PET100: variants seen among roughly 807,000 people sequenced by gnomAD.
The protein encoded by PET100 is protein PET100 homolog, mitochondrial.
A neutral mutation model predicts 13.6 loss-of-function variants in PET100; 13 were observed. That is an observed-to-expected ratio of 0.96 (90% CI 0.62 to 1.52). The LOEUF (loss-of-function observed/expected upper bound fraction) is 1.52. Among genes scored for constraint, PET100 ranks in the 40% most tolerant of loss-of-function variants. The probability of loss-of-function intolerance (pLI) is 0.00; values close to 1 mark genes in which losing one functional copy is unlikely to be tolerated. For missense variants in PET100, 94 were observed against 95.3 expected, an observed-to-expected ratio of 0.99 and a Z score of 0.06; for synonymous variants, 28 against 30.8, an observed-to-expected ratio of 0.91 and a Z score of 0.30.
In PET100 at chr19:7,631,581, C is replaced by T. The variant is rs1241091926; in HGVS notation, c.*25C>T. 1 of 1,521,444 alleles carries T rather than the reference C, an allele frequency of 6.6e-7. No individual in the cohort carries two copies. Among genetic ancestry groups the T allele is most frequent in the Admixed American group, 2.1e-5 (1 of 47,798 alleles). 94.2% of individuals were successfully genotyped at this position (1,521,444 alleles called of 1,614,324 possible). A position where few individuals can be genotyped will look rare whatever the true frequency, so the allele number is the denominator to read the frequency against. On this transcript the variant is annotated 3_prime_UTR_variant, in exon 4 of 4. Coordinates refer to ENST00000594797, the MANE Select transcript of PET100 (RefSeq NM_001171155.2). The stretch of plus-strand genomic sequence containing the variant: ...AGGCCTCCAAGTGGGAGTCCTAGCC[C>T]CTCCCCTGATGAAATATACATATAC...
At chr19:7,631,395 T>TGGGGGGG in intron 3 of PET100, 78 bp from the exon 4 acceptor site, 2 of 318,036 alleles carry the variant, frequency 6.3e-6, no homozygotes, top group Non-Finnish European at 1.0e-5. Flanking sequence ...GTGGGAGAGG[T>TGGGGGGG]GGGCGGGGGG....
At chr19:7,631,399 CGGGG>C in intron 3 of PET100, 70 bp from the exon 4 acceptor site, 1 of 583,178 alleles carries the variant, frequency 1.7e-6, no homozygotes, top group Non-Finnish European at 2.4e-6. Context: ...GAGAGGTGGG[CGGGG>C]GGGGGTGGTC....
At chr19:7,630,764 C>T in intron 2 of PET100, 59 bp from the exon 3 acceptor site, 4 of 1,536,798 alleles carry the variant, frequency 2.6e-6, no homozygotes, top group East Asian at 4.9e-5. Context: ...CCGACCCTGC[C>T]CTGATGTGGG....
intron 1 of PET100, 183 bp from the exon 2 acceptor site, chr19:7,630,390 G>A (rs1483993257): frequency 1.7e-6 from 1 of 604,182 alleles, no homozygotes; most frequent in African/African-American, 1.9e-5. Flanking sequence ...GAGGCCTCCT[G>A]GATTATAGGA....
At position 7,631,226 on chromosome 19, in the gene PET100, T is replaced by C. The variant is rs868602666; in HGVS notation, c.139-247T>C. 52 of 1,398,214 alleles carry C rather than the reference T, an allele frequency of 3.7e-5. No homozygotes were observed. The African/African-American group carries it at 7.0e-4, about 19-fold the overall frequency. The allele number at this position is 1,398,214 out of a possible 1,614,324, so 86.6% of individuals were successfully genotyped here. ...TTTGTCTCAAAAAGAAACATTTTAC[T>C]CTCAGCCATGAGTAAGGAACCGAGA... On this transcript the variant is annotated intron_variant, in intron 3 of 3. Transcript: ENST00000594797.
intron 2 of PET100, 81 bp downstream of exon 2, chr19:7,630,740 C>T (rs1806832523): frequency 1.3e-6 from 2 of 1,533,344 alleles, no homozygotes; most frequent in Non-Finnish European, 1.7e-6. Flanking sequence ...GGACTAATGT[C>T]TGCCTCCCAT....
chr19:7,629,858 CGGGTCAGT>C lies in PET100; in HGVS notation c.27+1_27+8del. 6.5e-7 allele frequency: 1 copy of C among 1,534,328 alleles called. No individual in the cohort carries two copies. The highest frequency in any genetic ancestry group is 8.7e-7 in the Non-Finnish European group (1 of 1,145,562). On this transcript the variant is annotated splice_donor_variant and splice_donor_5th_base_variant and coding_sequence_variant and intron_variant, in exon 1 of 4. Transcript: ENST00000594797. LOFTEE classifies it high-confidence loss of function. ...GATGGGGGTGAAGCTGGAGATATTT[CGGGTCAGT>C]GGACACAGGAGTGGGTTGGGAGGCT...
chr19:7,631,387 G>A (rs2031286844), intron 3 of PET100, 86 bp from the exon 4 acceptor site: 1 of 1,340,890 alleles, frequency 7.5e-7, no homozygotes, highest in East Asian at 2.6e-5. Flanking sequence ...GCAGGGTGGT[G>A]GGAGAGGTGG....
Position 7,629,821 on chromosome 19 carries a change from C to G in PET100, c.-13C>G, listed in dbSNP as rs1271688330. 2.6e-6 allele frequency: 4 copies of G among 1,536,632 alleles called. No individual in the cohort carries two copies. Among genetic ancestry groups the G allele is most frequent in the South Asian group, 1.2e-5 (1 of 84,002 alleles). On this transcript the variant is annotated 5_prime_UTR_variant, in exon 1 of 4. Coordinates refer to ENST00000594797, the MANE Select transcript of PET100 (RefSeq NM_001171155.2). Reference sequence around the variant, plus strand: ...TTTGGGCGGAACTGGCTTTGTTGACCGGGAGAAACGAGATGGGGGTGAAGC... The same window carrying G: ...TTTGGGCGGAACTGGCTTTGTTGACGGGGAGAAACGAGATGGGGGTGAAGC...
chr19:7,630,372 T>C, intron 1 of PET100: 3 of 592,218 alleles, frequency 5.1e-6, no homozygotes, highest in Non-Finnish European at 6.0e-6. Context: ...GAGGGAACTT[T>C]CAGGAATGAG....
At chr19:7,631,437 C>G (rs1003329572) in intron 3 of PET100, 36 bp from the exon 4 acceptor site, 1 of 1,511,020 alleles carries the variant, frequency 6.6e-7, no homozygotes, top group Admixed American at 2.0e-5. Flanking sequence ...GTGTGCCCCT[C>G]CCCCCTTCCT....
chr19:7,630,711 T>G (rs2031262116), intron 2 of PET100, 52 bp downstream of exon 2: 2 of 1,531,268 alleles, frequency 1.3e-6, no homozygotes, highest in East Asian at 2.4e-5. Flanking sequence ...GGAGAGGGTG[T>G]GGGGCAGCAG....
At chr19:7,630,948 GCT>G (rs1361157685) in intron 3 of PET100, 102 bp downstream of exon 3, 115 of 1,416,470 alleles carry the variant, frequency 8.1e-5, no homozygotes, top group Non-Finnish European at 1.1e-4. Context: ...AGTGGCTCAT[GCT>G]TGTAATCCCA....
At chr19:7,631,173 C>A (rs1335801940) in intron 3 of PET100, 1 of 1,196,624 alleles carries the variant, frequency 8.4e-7, no homozygotes, top group East Asian at 2.8e-5. Context: ...CACGCCACTG[C>A]ACTCCAGCCT....
intron 1 of PET100, 40 bp downstream of exon 1, chr19:7,629,900 G>C: frequency 1.9e-5 from 28 of 1,490,448 alleles, no homozygotes; most frequent in Non-Finnish European, 2.4e-5. Context: ...CTGGGCAGGG[G>C]ATCTTCCTGG....
In PET100 at chr19:7,630,853, G is replaced by A; in HGVS notation, c.138+7G>A. 1 of 1,537,236 alleles carries A rather than the reference G, an allele frequency of 6.5e-7. No individual in the cohort carries two copies. Reference sequence around the variant, plus strand: ...GCTGTGGCCACCTGAGAAGGTAAGTGATCTCTTCTTCCTGCCAGAGGGATG... The same window carrying A: ...GCTGTGGCCACCTGAGAAGGTAAGTAATCTCTTCTTCCTGCCAGAGGGATG... On this transcript the variant is annotated splice_region_variant and intron_variant, in intron 3 of 3. Transcript: ENST00000594797.
Position 7,630,633 on chromosome 19 carries a change from T to C in PET100, c.88T>C (p.Phe30Leu). ...CTGGGTTTCCAATCAGGCCGAGTGG[T>C]TTGAGGACGATGTCATACAGCGCAA... Reference protein sequence around the residue: ...MFWVSNQAEWFEDDVIQRKRE... With the variant: ...MFWVSNQAEWLEDDVIQRKRE... Residue 30 changes from phenylalanine (F) to leucine (L), a missense_variant, in exon 2 of 4, where the codon TTT becomes CTT. Physicochemically the swap from Phe to Leu is conservative, Grantham distance 22. Coordinates refer to ENST00000594797, the MANE Select transcript of PET100 (RefSeq NM_001171155.2). The C allele has an allele frequency of 6.5e-7, 1 of 1,537,162 alleles. No homozygotes were observed. The highest frequency in any genetic ancestry group is 8.7e-7 in the Non-Finnish European group (1 of 1,146,868).
rs1042727097 is a variant in PET100, at chr19:7,631,102, G to C, written c.138+256G>C. The C allele has an allele frequency of 6.2e-5, 46 of 746,998 alleles. No homozygotes were observed. In the Middle Eastern group the frequency reaches 1.2e-3, roughly 19 times the overall value. The allele number at this position is 746,998 out of a possible 1,614,324, so 46.3% of individuals were successfully genotyped here. A position where few individuals can be genotyped will look rare whatever the true frequency, so the allele number is the denominator to read the frequency against. On this transcript the variant is annotated intron_variant, in intron 3 of 3. Transcript: ENST00000594797. ...AGGCGCCTATAATTCCAGCTGCTTG[G>C]GAGGCTGAGGGAGAAGAATCACTTG...
chr19:7,630,176 G>T, intron 1 of PET100: 1 of 468,190 alleles, frequency 2.1e-6, no homozygotes. Context: ...CTCGTGGTGG[G>T]TGGGTGTCTA....
Sources: gnomAD v4.1 joint callset for allele counts on GRCh38, gnomAD v4.1.1 for gene constraint, MANE v1.5 for transcripts, NCBI Gene and HGNC (gene_info 2026-07-23, HGNC 2026-07-21) for gene names.